Variants in PNMA2 observed in about 807,000 individuals in gnomAD.
The protein encoded by PNMA2 is paraneoplastic antigen Ma2.
For synonymous variants in PNMA2, 175 were observed against 183.5 expected, an observed-to-expected ratio of 0.95 and a Z score of 0.38; for missense variants, 455 against 452.9, an observed-to-expected ratio of 1.00 and a Z score of -0.04.
chr8:26,513,114 C>CTCTTTTT (rs1407156934), intron 1 of PNMA2: 16 of 125,064 alleles, frequency 1.3e-4, no homozygotes, highest in African/African-American at 5.8e-4. Context: ...TTTTTTCTCT[C>CTCTTTTT]TTTTTTTTTT....
Position 26,508,777 on chromosome 8 carries a change from C to G in PNMA2, c.-22G>C. 6.3e-7 allele frequency: 1 copy of G among 1,589,588 alleles called. No individual in the cohort carries two copies. Among genetic ancestry groups the G allele is most frequent in the Non-Finnish European group, 8.6e-7 (1 of 1,169,070 alleles). On this transcript the variant is annotated 5_prime_UTR_variant, in exon 3 of 3. Transcript: ENST00000522362. The surrounding 1 kb of genome is among the most constrained non-coding windows in gnomAD (Gnocchi z 5.5). ...CCATTGTCCTAAGAATTGACCCACT[C>G]TGACTCTACAGGCACCAATTTGTTA...
rs151302692 is a variant in PNMA2, at chr8:26,505,500, T to C, written c.*2161A>G. The C allele has an allele frequency of 6.2e-3, 956 of 154,252 alleles. 7 individuals carry two copies. Among genetic ancestry groups the C allele is most frequent in the Non-Finnish European group, 9.5e-3 (650 of 68,242 alleles). 9.6% of individuals were successfully genotyped at this position (154,252 alleles called of 1,614,324 possible). On this transcript the variant is annotated 3_prime_UTR_variant, in exon 3 of 3. Transcript: ENST00000522362. Reference sequence around the variant, plus strand: ...TACACAGGTCTGATCTACACAACCATGTGGTGCTACCGCTTTTAAAATCTG... The same window carrying C: ...TACACAGGTCTGATCTACACAACCACGTGGTGCTACCGCTTTTAAAATCTG...
In PNMA2 at chr8:26,509,457, AG is replaced by A. The variant is rs1808111198; in HGVS notation, c.-489+90del. The A allele has an allele frequency of 6.6e-6, 1 of 152,218 alleles. No homozygotes were observed. The highest frequency in any genetic ancestry group is 2.1e-4 in the South Asian group (1 of 4,830). 9.4% of individuals were successfully genotyped at this position (152,218 alleles called of 1,614,324 possible). On this transcript the variant is annotated intron_variant, in intron 2 of 2. Transcript: ENST00000522362. This position sits in a 1 kb window ranked among gnomAD's most constrained non-coding sequence, Gnocchi z 5.7. Reference sequence around the variant, plus strand: ...CTGGTGTCCCCACCATATGCTCATCAGACCTGTTGATTAATGTCTGAGCCCC... The same window carrying A: ...CTGGTGTCCCCACCATATGCTCATCAACCTGTTGATTAATGTCTGAGCCCC...
In PNMA2 at chr8:26,509,081, G is replaced by T; in HGVS notation, c.-326C>A. 1 of 294,298 alleles carries T rather than the reference G, an allele frequency of 3.4e-6. No individual in the cohort carries two copies. The highest frequency in any genetic ancestry group is 1.3e-4 in the South Asian group (1 of 7,890). 18.2% of individuals were successfully genotyped at this position (294,298 alleles called of 1,614,324 possible). A position where few individuals can be genotyped will look rare whatever the true frequency, so the allele number is the denominator to read the frequency against. ...TTCTCAAAGATGCTGGCAGCCACGT[G>T]ACGCTGACCCTTCTCTGATAGTTGA... On this transcript the variant is annotated 5_prime_UTR_variant, in exon 3 of 3. Coordinates refer to ENST00000522362, the MANE Select transcript of PNMA2 (RefSeq NM_007257.6). The surrounding 1 kb of genome is among the most constrained non-coding windows in gnomAD (Gnocchi z 5.7).
intron 1 of PNMA2, among the ~76,000 whole-genome samples, chr8:26,510,486 G>A (rs991574523): frequency 2.7e-5 from 4 of 149,282 alleles, no homozygotes; most frequent in Non-Finnish European, 4.4e-5. Context: ...CTCTGTTGCC[G>A]AGGCTGGAAT....
chr8:26,510,937 A>C (rs1808141283), intron 1 of PNMA2, among the ~76,000 whole-genome samples: 1 of 152,086 alleles, frequency 6.6e-6, no homozygotes. Flanking sequence ...TAGATCACTG[A>C]GGTCAGGAAT....
At chr8:26,512,642 T>A (rs1315032044) in intron 1 of PNMA2, among the ~76,000 whole-genome samples, 1 of 151,952 alleles carries the variant, frequency 6.6e-6, no homozygotes, top group Non-Finnish European at 1.5e-5. Context: ...CAGAACTCCC[T>A]CCCGGGCCAC....
intron 1 of PNMA2, among the ~76,000 whole-genome samples, chr8:26,513,577 C>T (rs1808211707): frequency 6.6e-6 from 1 of 152,222 alleles, no homozygotes; most frequent in Non-Finnish European, 1.5e-5. Flanking sequence ...ATCTTCAGTG[C>T]CATCCCGCTT....
chr8:26,512,482 A>C (rs559421584), intron 1 of PNMA2, among the ~76,000 whole-genome samples: 1 of 152,096 alleles, frequency 6.6e-6, no homozygotes, highest in East Asian at 1.9e-4. Flanking sequence ...TCACCAAACT[A>C]TCTCTCACAA....
rs562504185 is a variant in PNMA2 at position 26,510,079 on chromosome 8, T to C, written c.-618-402A>G. On this transcript the variant is annotated intron_variant, in intron 1 of 2. Coordinates refer to ENST00000522362, the MANE Select transcript of PNMA2 (RefSeq NM_007257.6). ...GTTGGAGGTGGGGCCTGGTGGGATG[T>C]GTTTGGGTCATGAGAGTGGATCCCT... Among the ~76,000 whole-genome samples the C allele has an allele frequency of 8.5e-5, 13 of 152,314 alleles. No individual in the cohort carries two copies. The South Asian group carries it at 2.5e-3, about 29-fold the overall frequency.
intron 1 of PNMA2, among the ~76,000 whole-genome samples, chr8:26,510,987 A>T: frequency 6.6e-6 from 1 of 152,086 alleles, no homozygotes; most frequent in East Asian, 1.9e-4. Flanking sequence ...CCCCGTCTCT[A>T]CCAAAAATAC....
chr8:26,513,107 T>TC (rs1421118444), intron 1 of PNMA2: 1 of 65,776 alleles, frequency 1.5e-5, no homozygotes. Flanking sequence ...CAGTTTGTTT[T>TC]TTCTCTCTTT....
At position 26,508,770 on chromosome 8, in the gene PNMA2, A is replaced by G. The variant is rs368023933; in HGVS notation, c.-15T>C. ...GCCAGCGCCATTGTCCTAAGAATTGACCCACTCTGACTCTACAGGCACCAA... is the reference window on the plus strand; with the variant it reads ...GCCAGCGCCATTGTCCTAAGAATTGGCCCACTCTGACTCTACAGGCACCAA... On this transcript the variant is annotated 5_prime_UTR_variant, in exon 3 of 3. Coordinates refer to ENST00000522362, the MANE Select transcript of PNMA2 (RefSeq NM_007257.6). This position sits in a 1 kb window ranked among gnomAD's most constrained non-coding sequence, Gnocchi z 5.5. 3.8e-6 allele frequency: 6 copies of G among 1,595,340 alleles called. No homozygotes were observed. In the African/African-American group the frequency reaches 8.1e-5, roughly 21 times the overall value.
At chr8:26,513,388 G>GCCCCCCCCCCCCCCCCCCCCTCC (rs148272306) in intron 1 of PNMA2, among the ~76,000 whole-genome samples, 3 of 141,048 alleles carry the variant, frequency 2.1e-5, no homozygotes, top group Non-Finnish European at 4.6e-5. Context: ...CATGTTGTGT[G>GCCCCCCCCCCCCCCCCCCCCTCC]CCCCCCCCCC....
rs533423791 is a variant in PNMA2 at position 26,508,081 on chromosome 8, G to A, written c.675C>T (p.Asn225=). The change falls in exon 3 of 3, where the codon AAC becomes AAT. Residue 225 remains asparagine (N), a synonymous_variant. Coordinates refer to ENST00000522362, the MANE Select transcript of PNMA2 (RefSeq NM_007257.6). This position sits in a 1 kb window ranked among gnomAD's most constrained non-coding sequence, Gnocchi z 5.5. ...AACACTCTTCTACACTGATGGACGG[G>A]TTGTCTGCCTGCACTATGTGCATGA... ...LDLMHIVQAD[N]PSISVEECLE... The A allele has an allele frequency of 6.2e-7, 1 of 1,614,242 alleles. No homozygotes were observed. Among genetic ancestry groups the A allele is most frequent in the Admixed American group, 1.7e-5 (1 of 60,036 alleles).
In PNMA2 at chr8:26,505,355, C is replaced by T; in HGVS notation, c.*2306G>A. 6.0e-6 allele frequency: 1 copy of T among 166,528 alleles called. No homozygotes were observed. The highest frequency in any genetic ancestry group is 1.3e-4 in the South Asian group (1 of 7,588). The allele number at this position is 166,528 out of a possible 1,614,324, so 10.3% of individuals were successfully genotyped here. Reference sequence around the variant, plus strand: ...AGCTAAGCAATTTGCTTACAGTATGCACAAATCTACCACAAGACTACACAT... The same window carrying T: ...AGCTAAGCAATTTGCTTACAGTATGTACAAATCTACCACAAGACTACACAT... On this transcript the variant is annotated 3_prime_UTR_variant, in exon 3 of 3. Coordinates refer to ENST00000522362, the MANE Select transcript of PNMA2 (RefSeq NM_007257.6).
At position 26,508,416 on chromosome 8, in the gene PNMA2, C is replaced by T. The variant is rs545711393; in HGVS notation, c.340G>A (p.Gly114Arg). The T allele has an allele frequency of 8.1e-6, 13 of 1,614,126 alleles. No homozygotes were observed. Among genetic ancestry groups the T allele is most frequent in the Non-Finnish European group, 1.1e-5 (13 of 1,180,060 alleles). The part of the protein sequence containing the change: ...ERLNLFLEKE[G>R]QTVSGMFRAL... ...CGAAACATACCCGAGACCGTCTGCC[C>T]CTCTTTTTCTAGAAACAGGTTCAAT... Residue 114 changes from glycine to arginine, a missense_variant, in exon 3 of 3, where the codon GGG (glycine) becomes AGG (arginine). Gly to Arg is a moderately radical substitution (Grantham distance 125). Coordinates refer to ENST00000522362, the MANE Select transcript of PNMA2 (RefSeq NM_007257.6). The surrounding 1 kb of genome is among the most constrained non-coding windows in gnomAD (Gnocchi z 5.5).
In PNMA2 at chr8:26,508,812, C is replaced by T. The variant is rs903750114; in HGVS notation, c.-57G>A. ...AGGCACCAATTTGTTAGTGGTGCAG[C>T]TATGCACTGACTTAATATTGAAAAT... On this transcript the variant is annotated 5_prime_UTR_variant, in exon 3 of 3. Coordinates refer to ENST00000522362, the MANE Select transcript of PNMA2 (RefSeq NM_007257.6). The surrounding 1 kb of genome is among the most constrained non-coding windows in gnomAD (Gnocchi z 5.5). The T allele has an allele frequency of 6.5e-7, 1 of 1,544,686 alleles. No individual in the cohort carries two copies.
chr8:26,512,380 C>T (rs1808175633), intron 1 of PNMA2, among the ~76,000 whole-genome samples: 1 of 152,162 alleles, frequency 6.6e-6, no homozygotes, highest in Non-Finnish European at 1.5e-5. Flanking sequence ...TTCTTCTTCC[C>T]CAGTCTGTTT....
Sources: gnomAD v4.1 joint callset for allele counts (sites outside exome capture counted in the v4.1 genomes callset) on GRCh38, gnomAD v4.1.1 for gene constraint, Gnocchi (gnomAD v3.1) non-coding constraint, MANE v1.5 for transcripts, NCBI Gene and HGNC (gene_info 2026-07-23, HGNC 2026-07-21) for gene names.